Variants in TOM1L2 observed in about 807,000 individuals in gnomAD.
The protein encoded by TOM1L2 is target of myb1 like 2 membrane trafficking protein.
In TOM1L2, 31 loss-of-function variants were observed where a neutral mutation model predicts 67.9. The observed-to-expected ratio is 0.46, with a 90% CI of 0.34 to 0.62. The LOEUF (loss-of-function observed/expected upper bound fraction) is 0.62, where lower values mean the gene tolerates loss of function less well. Ranked by LOEUF, TOM1L2 falls within the 20% of genes least tolerant of loss-of-function variation. The pLI, the probability that TOM1L2 is intolerant of heterozygous loss-of-function variation, is 0.01. For synonymous variants in TOM1L2, 256 were observed against 254.0 expected, an observed-to-expected ratio of 1.01 and a Z score of -0.07; for missense variants, 606 against 663.5, an observed-to-expected ratio of 0.91 and a Z score of 0.95.
intron 1 of TOM1L2, among the ~76,000 whole-genome samples, chr17:17,922,961 A>G (rs1856951921): frequency 6.6e-6 from 1 of 152,236 alleles, no homozygotes. Flanking sequence ...CCAGGCACCA[A>G]CTAGCCTGTG....
intron 1 of TOM1L2, among the ~76,000 whole-genome samples, chr17:17,964,368 C>A (rs2041804475): frequency 6.6e-6 from 1 of 152,088 alleles, no homozygotes; most frequent in South Asian, 2.1e-4. Context: ...CCTAATATCC[C>A]AAGTAAATAA....
At chr17:17,952,545 C>T (rs189763684) in intron 1 of TOM1L2, among the ~76,000 whole-genome samples, 7 of 151,654 alleles carry the variant, frequency 4.6e-5, no homozygotes, top group Admixed American at 4.6e-4. Context: ...GTGCGTGCTG[C>T]CACGCCTGGC....
chr17:17,918,423 A>G (rs1466180349), intron 1 of TOM1L2, among the ~76,000 whole-genome samples: 1 of 152,146 alleles, frequency 6.6e-6, no homozygotes, highest in East Asian at 1.9e-4. Context: ...AAGTGGTGAA[A>G]GGCAGCATCG....
chr17:17,879,577 C>T (rs377010407), intron 7 of TOM1L2, 50 bp downstream of exon 7: 58 of 1,429,580 alleles, frequency 4.1e-5, no homozygotes, highest in Admixed American at 8.4e-5. Context: ...CAACAGTGTA[C>T]GGTGGAAGAG....
At chr17:17,904,608 G>A (rs907894604) in intron 2 of TOM1L2, among the ~76,000 whole-genome samples, 22 of 152,222 alleles carry the variant, frequency 1.4e-4, no homozygotes, top group African/African-American at 5.1e-4. Context: ...CAACTTGGTC[G>A]TTGTGCAGCA....
rs180986569 is a variant in TOM1L2, at chr17:17,882,378, A to C, written c.660+327T>G. Among the ~76,000 whole-genome samples, 135 of 152,294 alleles carry C rather than the reference A, an allele frequency of 8.9e-4. 2 individuals carry two copies. The South Asian group carries it at 0.012, about 13-fold the overall frequency. ...AGCAGCGTCTGCATCTCTGCATTTA[A>C]ATGTCATTGCTGAGCATGCGGTCTC... On this transcript the variant is annotated intron_variant, in intron 6 of 14. Coordinates refer to ENST00000379504, the MANE Select transcript of TOM1L2 (RefSeq NM_001082968.2).
intron 1 of TOM1L2, among the ~76,000 whole-genome samples, chr17:17,927,795 G>C (rs2144670412): frequency 6.6e-6 from 1 of 152,008 alleles, no homozygotes; most frequent in South Asian, 2.1e-4. Flanking sequence ...CTCCTGAGTA[G>C]CTGGGACTAC....
intron 1 of TOM1L2, among the ~76,000 whole-genome samples, chr17:17,919,914 G>C (rs749725555): frequency 6.6e-6 from 1 of 152,146 alleles, no homozygotes; most frequent in Admixed American, 6.6e-5. Flanking sequence ...ATGAAGCCTG[G>C]TGGGGTGACT....
intron 1 of TOM1L2, among the ~76,000 whole-genome samples, chr17:17,920,187 T>G (rs1385520597): frequency 1.3e-5 from 2 of 152,114 alleles, no homozygotes; most frequent in African/African-American, 4.8e-5. Context: ...TCAAGTTAAA[T>G]TAGATGCTGG....
At chr17:17,941,490 TC>T (rs1407746698) in intron 1 of TOM1L2, among the ~76,000 whole-genome samples, 1 of 152,138 alleles carries the variant, frequency 6.6e-6, no homozygotes, top group Non-Finnish European at 1.5e-5. Context: ...CTGAGAATCA[TC>T]ATTACGCTGA....
At chr17:17,882,528 A>G (rs1262858773) in intron 6 of TOM1L2, among the ~76,000 whole-genome samples, 177 bp downstream of exon 6, 1 of 152,090 alleles carries the variant, frequency 6.6e-6, no homozygotes, top group Non-Finnish European at 1.5e-5. Flanking sequence ...CCACAGCCTG[A>G]CCACAATCCA....
chr17:17,942,147 T>C (rs537484185), intron 1 of TOM1L2, among the ~76,000 whole-genome samples: 1 of 152,152 alleles, frequency 6.6e-6, no homozygotes, highest in South Asian at 2.1e-4. Context: ...CTAAGGAAAA[T>C]TTGTAATCCA....
intron 1 of TOM1L2, among the ~76,000 whole-genome samples, chr17:17,949,112 A>G (rs965348777): frequency 2.0e-5 from 3 of 152,208 alleles, no homozygotes; most frequent in Non-Finnish European, 4.4e-5. Context: ...GGGACCCTCC[A>G]TGTGGGTTTC....
At chr17:17,919,609 T>G (rs1399504748) in intron 1 of TOM1L2, among the ~76,000 whole-genome samples, 3 of 152,096 alleles carry the variant, frequency 2.0e-5, no homozygotes, top group Non-Finnish European at 4.4e-5. Flanking sequence ...AGATTCCCCA[T>G]AAGTCCACAT....
chr17:17,902,081 CAGG>C (rs1441522395), intron 2 of TOM1L2, among the ~76,000 whole-genome samples: 2 of 152,294 alleles, frequency 1.3e-5, no homozygotes, highest in East Asian at 3.9e-4. Flanking sequence ...GAGGCTGAGG[CAGG>C]AGAATTGCTT....
At chr17:17,914,156 G>C (rs923019988) in intron 1 of TOM1L2, among the ~76,000 whole-genome samples, 4 of 152,214 alleles carry the variant, frequency 2.6e-5, no homozygotes, top group African/African-American at 7.2e-5. Flanking sequence ...GGCGTGGACA[G>C]AGGAGGGGTG....
chr17:17,901,687 C>A (rs1300243791), intron 2 of TOM1L2, among the ~76,000 whole-genome samples: 1 of 152,220 alleles, frequency 6.6e-6, no homozygotes, highest in Non-Finnish European at 1.5e-5. Context: ...GTCTTCAGTT[C>A]CTCCTCTGTG....
intron 1 of TOM1L2, among the ~76,000 whole-genome samples, chr17:17,953,339 AC>A (rs2041288334): frequency 6.6e-6 from 1 of 152,214 alleles, no homozygotes; most frequent in South Asian, 2.1e-4. Flanking sequence ...CACCATAAAA[AC>A]AAAAGACTGC....
At chr17:17,886,642 C>T (rs979667561) in intron 4 of TOM1L2, among the ~76,000 whole-genome samples, 1 of 152,256 alleles carries the variant, frequency 6.6e-6, no homozygotes, top group Admixed American at 6.5e-5. Flanking sequence ...CTTCCTGGCA[C>T]CACTTCATGC....
Sources: allele counts gnomAD v4.1 joint callset (sites outside exome capture counted in the v4.1 genomes callset), GRCh38; gene constraint gnomAD v4.1.1; transcripts MANE v1.5; gene names NCBI Gene and HGNC (gene_info 2026-07-23, HGNC 2026-07-21).